The following DSC2 variants were observed in gnomAD, a reference collection of about 807,000 sequenced individuals.
DSC2 encodes desmocollin 2.
A neutral mutation model predicts 87.6 loss-of-function variants in DSC2; 51 were observed. The observed-to-expected ratio is 0.58, with a 90% CI of 0.46 to 0.74. The LOEUF (loss-of-function observed/expected upper bound fraction) is 0.74, where lower values mean the gene tolerates loss of function less well. DSC2 is among the 30% of genes least tolerant of loss of function. The probability of loss-of-function intolerance (pLI) is 0.00; values close to 1 mark genes in which losing one functional copy is unlikely to be tolerated. For missense variants in DSC2, 1,066 were observed against 1,089.5 expected (o/e 0.98, Z 0.30); for synonymous variants, 383 against 393.2 (o/e 0.97, Z 0.31).
At chr18:31,086,936 C>T (rs940989602) in intron 6 of DSC2, among the ~76,000 whole-genome samples, 194 bp from the exon 7 acceptor site, 4 of 152,120 alleles carry the variant, frequency 2.6e-5, no homozygotes, top group African/African-American at 7.2e-5. Flanking sequence ...CTAGCATTTT[C>T]GAATTGGGTG....
intron 9 of DSC2, among the ~76,000 whole-genome samples, chr18:31,081,113 A>G (rs541043842): frequency 7.2e-5 from 11 of 152,318 alleles, no homozygotes; most frequent in Admixed American, 2.6e-4. Context: ...AATAAATTTT[A>G]GGACAGCTTG....
chr18:31,100,945 C>T (rs1987923994), intron 1 of DSC2, among the ~76,000 whole-genome samples: 1 of 152,134 alleles, frequency 6.6e-6, no homozygotes, highest in Non-Finnish European at 1.5e-5. Context: ...CCAACGAGAT[C>T]CCATCGGTCA....
Position 31,089,504 on chromosome 18 carries a change from C to A in DSC2, c.565G>T (p.Glu189Ter). The stretch of plus-strand genomic sequence containing the variant: ...CAATACAAGTTTCCAGTGTCTCTCT[C>A]CACATAAAATAAATTCCGAGGTTCT... ...DQEPRNLFYV[E>*]RDTGNLYCTR... The change falls in exon 5 of 16, where the codon GAG (glutamate) becomes TAG (stop). Residue 189 changes from glutamate to a stop codon, truncating the protein, a stop_gained. Transcript: ENST00000280904. LOFTEE classifies it high-confidence loss of function. The A allele has an allele frequency of 6.2e-7, 1 of 1,613,994 alleles. No homozygotes were observed. Among genetic ancestry groups the A allele is most frequent in the Non-Finnish European group, 8.5e-7 (1 of 1,179,958 alleles).
chr18:31,095,125 G>A (rs756384628), intron 1 of DSC2, among the ~76,000 whole-genome samples: 1 of 152,204 alleles, frequency 6.6e-6, no homozygotes, highest in Non-Finnish European at 1.5e-5. Context: ...GGGAGAGAGG[G>A]TGACAACGAG....
At chr18:31,080,936 G>C (rs1201615277) in intron 9 of DSC2, among the ~76,000 whole-genome samples, 1 of 146,226 alleles carries the variant, frequency 6.8e-6, no homozygotes, top group Non-Finnish European at 1.5e-5. Context: ...GGTAAAGCTG[G>C]AAAAAAAAAA....
In DSC2 at chr18:31,071,788, C is replaced by T; in HGVS notation, c.1942G>A (p.Val648Ile). The T allele has an allele frequency of 6.2e-7, 1 of 1,614,006 alleles. No individual in the cohort carries two copies. The highest frequency in any genetic ancestry group is 8.5e-7 in the Non-Finnish European group (1 of 1,179,968). The change falls in exon 13 of 16, where the codon GTA becomes ATA. Residue 648 changes from valine to isoleucine, a missense_variant. By Grantham distance (29) the Val-to-Ile change is conservative. Coordinates refer to ENST00000280904, the MANE Select transcript of DSC2 (RefSeq NM_024422.6). ...AGTCTATCTCTCACTGTTATAGGTA[C>T]TACATATGAGCCAAATGGAGGATCA... The part of the protein sequence containing the change: ...QNDPPFGSYV[V>I]PITVRDRLGM...
In DSC2 at chr18:31,082,271, G is replaced by A. The variant is rs778090203; in HGVS notation, c.1230C>T (p.Ala410=). Residue 410 remains alanine (A), a synonymous_variant, in exon 9 of 16, where the codon GCC becomes GCT. Transcript: ENST00000280904. ...ENGNFKIVTD[A]KTNEGVLCVV... ...CACAAAGAACTCCTTCATTGGTTTT[G>A]GCATCTGTTACAATTTTAAAATTGC... 1.2e-5 allele frequency: 20 copies of A among 1,613,216 alleles called. No homozygotes were observed. The highest frequency in any genetic ancestry group is 1.6e-5 in the Non-Finnish European group (19 of 1,179,804).
At position 31,071,676 on chromosome 18, in the gene DSC2, A is replaced by G. The variant is rs1598573230; in HGVS notation, c.2054T>C (p.Ile685Thr). The part of the protein sequence containing the change: ...NDCTHRVDPR[I>T]GGGGVQLGKW... The stretch of plus-strand genomic sequence containing the variant: ...TCCAAGTTGTACTCCTCCACCGCCA[A>G]TCCTTGGATCTACACGATGTGTGCA... The change falls in exon 13 of 16, where the codon ATT becomes ACT. Residue 685 changes from isoleucine to threonine, a missense_variant. Transcript: ENST00000280904. 1 of 1,585,398 alleles carries G rather than the reference A, an allele frequency of 6.3e-7. No homozygotes were observed. The highest frequency in any genetic ancestry group is 8.6e-7 in the Non-Finnish European group (1 of 1,166,776).
chr18:31,089,033 T>A (rs1023180860), intron 5 of DSC2, among the ~76,000 whole-genome samples: 2 of 151,732 alleles, frequency 1.3e-5, no homozygotes, highest in African/African-American at 4.8e-5. Context: ...GGTATCATGG[T>A]GCGTGCCTGT....
intron 2 of DSC2, 47 bp downstream of exon 2, chr18:31,093,512 G>A: frequency 6.2e-6 from 9 of 1,452,234 alleles, no homozygotes; most frequent in Non-Finnish European, 8.6e-6. Context: ...TGGCGTATAT[G>A]TACCACAGCA....
rs765017458 is a variant in DSC2 at position 31,070,824 on chromosome 18, C to A, written c.2152G>T (p.Ala718Ser). The A allele has an allele frequency of 1.2e-6, 2 of 1,613,764 alleles. No individual in the cohort carries two copies. Among genetic ancestry groups the A allele is most frequent in the South Asian group, 2.2e-5 (2 of 91,068 alleles). ...FCILFTLVCGASGTSKQPKVI... is the reference protein window; with the variant it reads ...FCILFTLVCGSSGTSKQPKVI... ...TTTGGTTGTTTAGACGTCCCAGAAG[C>A]CCCACAGACCAGCGTAAACAGGATG... The change falls in exon 14 of 16, where the codon GCT becomes TCT. Residue 718 changes from alanine (A) to serine (S), a missense_variant. By Grantham distance (99) the Ala-to-Ser change is moderately conservative (BLOSUM62 1). Transcript: ENST00000280904.
intron 1 of DSC2, chr18:31,101,244 C>T (rs2144870744): frequency 2.0e-6 from 2 of 985,310 alleles, no homozygotes; most frequent in Non-Finnish European, 2.4e-6. Flanking sequence ...GTCGACAGTC[C>T]TCAGGAGCAA....
At chr18:31,097,274 C>T (rs1291202865) in intron 1 of DSC2, among the ~76,000 whole-genome samples, 3 of 145,274 alleles carry the variant, frequency 2.1e-5, no homozygotes, top group Admixed American at 6.9e-5. Flanking sequence ...GGCGACAGAG[C>T]GAGACTCAGT....
intron 13 of DSC2, 31 bp from the exon 14 acceptor site, chr18:31,070,881 A>G (rs773487167): frequency 1.9e-6 from 3 of 1,610,582 alleles, no homozygotes; most frequent in Non-Finnish European, 2.5e-6. Flanking sequence ...ACTTGAGTTT[A>G]TCATAAAATA....
rs566605825 is a variant in DSC2, at chr18:31,090,900, C to T, written c.474+128G>A. On this transcript the variant is annotated intron_variant, in intron 4 of 15. Coordinates refer to ENST00000280904, the MANE Select transcript of DSC2 (RefSeq NM_024422.6). ...ATATATTTATACCCTTATATGGAAA[C>T]ATATTATACACATACTCATTCACTC... The T allele has an allele frequency of 1.9e-3, 2,582 of 1,339,150 alleles. 12 individuals are homozygous for T. The highest frequency in any genetic ancestry group is 7.2e-3 in the South Asian group (562 of 78,376). The allele number at this position is 1,339,150 out of a possible 1,614,324, so 83.0% of individuals were successfully genotyped here. A position where few individuals can be genotyped will look rare whatever the true frequency, so the allele number is the denominator to read the frequency against.
intron 6 of DSC2, among the ~76,000 whole-genome samples, 167 bp from the exon 7 acceptor site, chr18:31,086,909 T>C (rs1987419851): frequency 1.3e-5 from 2 of 152,314 alleles, no homozygotes; most frequent in South Asian, 4.1e-4. Flanking sequence ...TCACTTCCTT[T>C]CAAATATTCT....
At chr18:31,091,466 A>G (rs989651370) in intron 3 of DSC2, 8 of 490,200 alleles carry the variant, frequency 1.6e-5, no homozygotes, top group Admixed American at 9.2e-5. Flanking sequence ...CATGGGAGAG[A>G]GATATGCAAA....
At position 31,068,874 on chromosome 18, in the gene DSC2, G is replaced by T; in HGVS notation, c.2508+20C>A. ...TAAAGAAAATTAAAATAGATTTGTA[G>T]GCCACTTAGGAAAACTCACTTCACC... is the stretch of plus-strand genomic sequence containing the variant. On this transcript the variant is annotated intron_variant, in intron 15 of 15. Transcript: ENST00000280904. 6.2e-7 allele frequency: 1 copy of T among 1,612,410 alleles called. No homozygotes were observed. The highest frequency in any genetic ancestry group is 1.1e-5 in the South Asian group (1 of 91,004).
In DSC2 at chr18:31,070,731, T is replaced by C; in HGVS notation, c.2245A>G (p.Lys749Glu). Reference protein sequence around the residue: ...VSNTEAPGDDKVYSANGFTTQ... With the variant: ...VSNTEAPGDDEVYSANGFTTQ... ...TAAAAAGCCAGACTACTTACCACTT[T>C]GTCATCTCCAGGAGCTTCTGTGTTT... The change falls in exon 14 of 16, where the codon AAA (lysine) becomes GAA (glutamate). Residue 749 changes from lysine (K) to glutamate (E), a missense_variant. Coordinates refer to ENST00000280904, the MANE Select transcript of DSC2 (RefSeq NM_024422.6). The C allele has an allele frequency of 1.2e-6, 2 of 1,613,830 alleles. No homozygotes were observed. The highest frequency in any genetic ancestry group is 1.7e-6 in the Non-Finnish European group (2 of 1,179,792).
Sources: gnomAD v4.1 joint callset for allele counts (sites outside exome capture counted in the v4.1 genomes callset) on GRCh38, gnomAD v4.1.1 for gene constraint, MANE v1.5 for transcripts, NCBI Gene and HGNC (gene_info 2026-07-23, HGNC 2026-07-21) for gene names.